EFHB: variants seen among roughly 807,000 people sequenced by gnomAD.
EFHB encodes the protein EF-hand domain-containing family member B.
EFHB carries 91 observed loss-of-function variants against 87.2 expected under a neutral mutation model. The ratio of observed to expected loss-of-function variants is 1.04; its 90% CI spans 0.88 to 1.24. The LOEUF is 1.24. EFHB is among the 50% of genes most tolerant of loss of function. The probability of loss-of-function intolerance (pLI) is 0.00; values close to 1 mark genes in which losing one functional copy is unlikely to be tolerated. For missense variants in EFHB, 1,084 were observed against 998.8 expected, an observed-to-expected ratio of 1.09 and a Z score of -1.15; for synonymous variants, 325 against 333.6, an observed-to-expected ratio of 0.97 and a Z score of 0.28.
At chr3:19,928,189 C>T (rs1385239720) in intron 1 of EFHB, among the ~76,000 whole-genome samples, 1 of 151,848 alleles carries the variant, frequency 6.6e-6, no homozygotes, top group Non-Finnish European at 1.5e-5. Context: ...CATAATATAT[C>T]ACAAGGAGGG....
chr3:19,919,750 T>C, intron 3 of EFHB, 83 bp downstream of exon 3: 3 of 1,352,830 alleles, frequency 2.2e-6, no homozygotes, highest in South Asian at 1.3e-5. Context: ...AGATTGGAAC[T>C]GATGAATTTC....
chr3:19,890,859 C>T (rs1286337749), intron 9 of EFHB, among the ~76,000 whole-genome samples: 1 of 152,152 alleles, frequency 6.6e-6, no homozygotes, highest in African/African-American at 2.4e-5. Flanking sequence ...CTTCTGGAAA[C>T]TGAACACTGG....
chr3:19,922,051 G>A (rs1695455118), intron 1 of EFHB, among the ~76,000 whole-genome samples: 1 of 152,080 alleles, frequency 6.6e-6, no homozygotes. Flanking sequence ...TGTAATCCCA[G>A]CTACTCGGGA....
chr3:19,938,873 C>G (rs1452818382), upstream of EFHB, among the ~76,000 whole-genome samples: 1 of 152,094 alleles, frequency 6.6e-6, no homozygotes, highest in Non-Finnish European at 1.5e-5. Flanking sequence ...TGTAGTTCCA[C>G]TCGCACACTG....
At chr3:19,922,500 C>A (rs1350086128) in intron 1 of EFHB, among the ~76,000 whole-genome samples, 1 of 152,154 alleles carries the variant, frequency 6.6e-6, no homozygotes, top group African/African-American at 2.4e-5. Context: ...GGTAGCGGGG[C>A]ATTAATAGGA....
chr3:19,908,590 G>GAA (rs1244772767), intron 5 of EFHB, among the ~76,000 whole-genome samples: 1,312 of 110,608 alleles, frequency 0.012, 6 homozygotes, highest in Non-Finnish European at 0.016. Flanking sequence ...GAGAGAGAGA[G>GAA]AGAGAGAGAG....
chr3:19,880,741 A>G (rs933713213), intron 12 of EFHB, among the ~76,000 whole-genome samples: 1 of 152,210 alleles, frequency 6.6e-6, no homozygotes, highest in African/African-American at 2.4e-5. Context: ...ATTAAAACAG[A>G]TGAAGGCGGG....
upstream of EFHB, chr3:19,936,336 T>TA: frequency 1.7e-5 from 6 of 358,672 alleles, no homozygotes; most frequent in South Asian, 9.1e-5. Flanking sequence ...GGCGACAGAC[T>TA]GAAAAAAAAA....
chr3:19,901,322 T>C (rs1694662565), intron 6 of EFHB, among the ~76,000 whole-genome samples: 1 of 152,250 alleles, frequency 6.6e-6, no homozygotes, highest in Non-Finnish European at 1.5e-5. Flanking sequence ...ATAAAATTTC[T>C]TTTGAAACGT....
At chr3:19,901,711 G>A (rs1694677511) in intron 6 of EFHB, among the ~76,000 whole-genome samples, 1 of 152,156 alleles carries the variant, frequency 6.6e-6, no homozygotes, top group Non-Finnish European at 1.5e-5. Flanking sequence ...CACTTTGGGA[G>A]GTCGAAGCAG....
chr3:19,884,730 T>A, intron 10 of EFHB, 115 bp from the exon 11 acceptor site: 1 of 978,468 alleles, frequency 1.0e-6, no homozygotes. Flanking sequence ...TGGAAACAGC[T>A]GGCATGACCC....
intron 9 of EFHB, chr3:19,896,471 G>A: frequency 7.7e-6 from 5 of 645,950 alleles, no homozygotes; most frequent in Non-Finnish European, 1.4e-5. Flanking sequence ...AGTTTTTGTT[G>A]CTACTACCTA....
intron 12 of EFHB, among the ~76,000 whole-genome samples, chr3:19,882,055 A>ATAAATAATTAAATAATTAAATAAT (rs147948986): frequency 7.1e-6 from 1 of 140,130 alleles, no homozygotes; most frequent in Non-Finnish European, 1.5e-5. Context: ...AAATAAATAA[A>ATAAATAATTAAATAATTAAATAAT]TAAATAATTA....
At chr3:19,896,613 G>C (rs761867292) in intron 9 of EFHB, 74 bp downstream of exon 9, 1 of 1,580,482 alleles carries the variant, frequency 6.3e-7, no homozygotes, top group Non-Finnish European at 8.6e-7. Context: ...ATAGTTTGCT[G>C]ACCCCTGATC....
chr3:19,891,824 G>A lies in EFHB; in HGVS notation c.1726-3173C>T, dbSNP rs115799528. On this transcript the variant is annotated intron_variant, in intron 9 of 12. Coordinates refer to ENST00000295824, the MANE Select transcript of EFHB (RefSeq NM_144715.4). ...CAACATTGCTGCCTGTACATACATG[G>A]CAACACACCCCCATTACACACAGAG... Among the ~76,000 whole-genome samples the A allele has an allele frequency of 9.6e-3, 1,465 of 152,158 alleles. 17 individuals carry two copies. Among genetic ancestry groups the A allele is most frequent in the African/African-American group, 0.034 (1,391 of 41,494 alleles).
intron 6 of EFHB, among the ~76,000 whole-genome samples, chr3:19,902,318 A>G (rs1180981038): frequency 1.3e-5 from 2 of 152,124 alleles, no homozygotes; most frequent in Non-Finnish European, 2.9e-5. Flanking sequence ...GGTCACAGGC[A>G]AAATATAGAT....
At chr3:19,936,023 A>AG, upstream of EFHB, 1 of 1,145,144 alleles carries the variant, frequency 8.7e-7, no homozygotes, top group East Asian at 3.8e-5. Flanking sequence ...AAAAAAAAAA[A>AG]AAAAAAGCAA....
Position 19,933,962 on chromosome 3 carries a change from C to G in EFHB, c.57G>C (p.Arg19Ser). ...HEGKDDLGDK[R>S]VIMGTKFPME... ...TGGGAAATTTTGTTCCCATGATGAC[C>G]CTCTTGTCTCCTAAATCATCCTTTC... The change falls in exon 1 of 13, where the codon AGG (arginine) becomes AGC (serine). Residue 19 changes from arginine (R) to serine (S), a missense_variant. Physicochemically the swap from Arg to Ser is moderately radical, Grantham distance 110. Coordinates refer to ENST00000295824, the MANE Select transcript of EFHB (RefSeq NM_144715.4). 1 of 1,613,166 alleles carries G rather than the reference C, an allele frequency of 6.2e-7. No individual in the cohort carries two copies. Among genetic ancestry groups the G allele is most frequent in the Non-Finnish European group, 8.5e-7 (1 of 1,179,490 alleles).
At chr3:19,922,868 A>C (rs1287475005) in intron 1 of EFHB, among the ~76,000 whole-genome samples, 3 of 152,244 alleles carry the variant, frequency 2.0e-5, no homozygotes, top group Admixed American at 6.5e-5. Flanking sequence ...AGTTTCAACT[A>C]TTATTACATT....
Sources: allele counts gnomAD v4.1 joint callset (sites outside exome capture counted in the v4.1 genomes callset), GRCh38; gene constraint gnomAD v4.1.1; transcripts MANE v1.5; gene names NCBI Gene and HGNC (gene_info 2026-07-23, HGNC 2026-07-21).